TULP4: variants seen among roughly 807,000 people sequenced by gnomAD.
The protein encoded by TULP4 is TUB like protein 4.
A neutral mutation model predicts 129.0 loss-of-function variants in TULP4; 16 were observed. The ratio of observed to expected loss-of-function variants is 0.12; its 90% CI spans 0.08 to 0.19. The LOEUF (loss-of-function observed/expected upper bound fraction) is 0.19. TULP4 is among the 10% of genes least tolerant of loss of function. The pLI, the probability that TULP4 is intolerant of heterozygous loss-of-function variation, is 1.00. For synonymous variants in TULP4, 998 were observed against 854.0 expected (o/e 1.17, Z -2.94); for missense variants, 1,842 against 2,059.1 (o/e 0.89, Z 2.04).
At chr6:158,436,091 A>AT (rs879878775) in intron 3 of TULP4, among the ~76,000 whole-genome samples, 2 of 151,844 alleles carry the variant, frequency 1.3e-5, no homozygotes, top group Non-Finnish European at 2.9e-5. Context: ...TAATTTTCGT[A>AT]TTTTTAGTAA....
At chr6:158,276,912 TC>T (rs1778659050) in intron 1 of TULP4, among the ~76,000 whole-genome samples, 1 of 152,008 alleles carries the variant, frequency 6.6e-6, no homozygotes, top group Admixed American at 6.5e-5. Flanking sequence ...CTGCTGGTCT[TC>T]TTTTTTTTTG....
intron 1 of TULP4, among the ~76,000 whole-genome samples, chr6:158,374,075 G>T (rs545605741): frequency 2.6e-5 from 4 of 152,190 alleles, no homozygotes; most frequent in African/African-American, 9.6e-5. Context: ...GTGCCGTTAG[G>T]ATACTATTAA....
At chr6:158,285,999 A>G (rs888885826) in intron 1 of TULP4, among the ~76,000 whole-genome samples, 2 of 152,238 alleles carry the variant, frequency 1.3e-5, no homozygotes, top group Non-Finnish European at 2.9e-5. Context: ...AGTAAAAAAG[A>G]TGGCAGCAGA....
intron 11 of TULP4, among the ~76,000 whole-genome samples, chr6:158,497,949 G>C (rs191244561): frequency 1.1e-3 from 175 of 152,262 alleles, no homozygotes; most frequent in African/African-American, 4.1e-3. Flanking sequence ...GTTTCACCCC[G>C]ACTTTAACTA....
intron 6 of TULP4, among the ~76,000 whole-genome samples, chr6:158,469,566 C>T (rs1028336234): frequency 6.6e-6 from 1 of 152,012 alleles, no homozygotes; most frequent in Non-Finnish European, 1.5e-5. Context: ...TGAGCCACCA[C>T]ACCTGGCCAA....
At chr6:158,236,267 T>G (rs12527510) in intron 1 of TULP4, among the ~76,000 whole-genome samples, 26,353 of 152,220 alleles carry the variant, frequency 0.17, 2,716 homozygotes, top group Middle Eastern at 0.25. Flanking sequence ...CATATGTTAT[T>G]TTCAGTGTCT....
At chr6:158,448,516 C>T (rs1779101420) in intron 3 of TULP4, among the ~76,000 whole-genome samples, 1 of 152,172 alleles carries the variant, frequency 6.6e-6, no homozygotes, top group Non-Finnish European at 1.5e-5. Flanking sequence ...ATCTTCTTTT[C>T]CAAATATGGT....
chr6:158,378,463 G>GTTTTTTTTTTTTTTTTT lies in TULP4; in HGVS notation c.253-34596_253-34580dup, dbSNP rs61250704. 3.7e-5 allele frequency among the ~76,000 whole-genome samples: 2 copies of GTTTTTTTTTTTTTTTTT among 53,642 alleles called. 1 individual carries two copies. Among genetic ancestry groups the GTTTTTTTTTTTTTTTTT allele is most frequent in the African/African-American group, 2.3e-4 (2 of 8,524 alleles). The allele number at this position is 53,642 out of a possible 152,430, so 35.2% of individuals were successfully genotyped here. A position where few individuals can be genotyped will look rare whatever the true frequency, so the allele number is the denominator to read the frequency against. ...TTGAGCAGTTAGGATGGGGGAGCCAGTTTTTTTTTTTTTTTTTTTTTTGGT... is the reference window on the plus strand; with the variant it reads ...TTGAGCAGTTAGGATGGGGGAGCCAGTTTTTTTTTTTTTTTTTTTTTTTTTTTTTTTTTTTTTTTGGT... On this transcript the variant is annotated intron_variant, in intron 1 of 13. Transcript: ENST00000367097.
intron 1 of TULP4, among the ~76,000 whole-genome samples, chr6:158,350,386 G>T (rs2771428): frequency 0.93 from 140,990 of 151,232 alleles, 65,805 homozygotes; most frequent in Admixed American, 0.95. Flanking sequence ...GGCTGGGAGG[G>T]GGAGGTTGTA....
chr6:158,240,303 C>T (rs1327510526), intron 1 of TULP4, among the ~76,000 whole-genome samples: 5 of 84,912 alleles, frequency 5.9e-5, no homozygotes, highest in Admixed American at 2.4e-4. Context: ...CGGGCAGAGG[C>T]GCCCCTCACC....
intron 1 of TULP4, among the ~76,000 whole-genome samples, chr6:158,394,704 G>A (rs979484568): frequency 3.5e-5 from 5 of 143,992 alleles, no homozygotes; most frequent in African/African-American, 5.3e-5. Context: ...GGAGAATGGC[G>A]TGAACCCGGG....
Position 158,503,776 on chromosome 6 carries a change from A to C in TULP4, c.4113A>C (p.Leu1371=). Residue 1371 remains leucine (L), a synonymous_variant, in exon 13 of 14, where the codon CTA becomes CTC. Coordinates refer to ENST00000367097, the MANE Select transcript of TULP4 (RefSeq NM_020245.5). The surrounding 1 kb of genome is among the most constrained non-coding windows in gnomAD (Gnocchi z 4.3). ...EARTLSDFNS[L]ISSPHLGREK... ...GGACTTTGAGTGACTTTAATTCCCT[A>C]ATCTCCAGCCCACACCTGGGGAGAG... is the stretch of plus-strand genomic sequence containing the variant. The C allele has an allele frequency of 1.2e-6, 2 of 1,614,104 alleles. No homozygotes were observed. The highest frequency in any genetic ancestry group is 8.5e-7 in the Non-Finnish European group (1 of 1,180,032).
intron 5 of TULP4, among the ~76,000 whole-genome samples, chr6:158,454,172 G>A (rs558716171): frequency 2.0e-5 from 3 of 152,254 alleles, no homozygotes; most frequent in Admixed American, 6.5e-5. Context: ...CATGAATGAC[G>A]TTGAAGTCCT....
intron 1 of TULP4, among the ~76,000 whole-genome samples, chr6:158,251,673 A>G (rs1465831172): frequency 6.6e-6 from 1 of 152,228 alleles, no homozygotes; most frequent in Non-Finnish European, 1.5e-5. Context: ...AAATCCAGGT[A>G]AATGGGGCTT....
chr6:158,301,168 A>G (rs747548604), intron 1 of TULP4, among the ~76,000 whole-genome samples: 14 of 152,356 alleles, frequency 9.2e-5, no homozygotes, highest in Middle Eastern at 3.4e-3. Flanking sequence ...GCAGAATCAG[A>G]GACAATATTT....
chr6:158,487,603 A>G (rs1487885439), intron 8 of TULP4, among the ~76,000 whole-genome samples: 2 of 152,234 alleles, frequency 1.3e-5, no homozygotes, highest in Admixed American at 1.3e-4. Flanking sequence ...TTTTTCCAGA[A>G]CAGCCATGAT....
chr6:158,483,917 C>T (rs577622238), intron 8 of TULP4, among the ~76,000 whole-genome samples: 194 of 147,410 alleles, frequency 1.3e-3, no homozygotes, highest in African/African-American at 4.5e-3. Context: ...ACCATGAGTC[C>T]CAGTAGTTTT....
chr6:158,278,781 A>ACCTC (rs1778689682), upstream of TULP4, among the ~76,000 whole-genome samples: 1 of 152,020 alleles, frequency 6.6e-6, no homozygotes, highest in African/African-American at 2.4e-5. Context: ...CTTTTAGAGG[A>ACCTC]CCTCCTATGT....
intron 1 of TULP4, among the ~76,000 whole-genome samples, chr6:158,268,320 T>G (rs544866655): frequency 1.2e-4 from 19 of 152,312 alleles, no homozygotes; most frequent in Non-Finnish European, 2.1e-4. Flanking sequence ...ATTACAGGTG[T>G]GAGCCACTGC....
Sources: gnomAD v4.1 joint callset for allele counts (sites outside exome capture counted in the v4.1 genomes callset) on GRCh38, gnomAD v4.1.1 for gene constraint, Gnocchi (gnomAD v3.1) non-coding constraint, MANE v1.5 for transcripts, NCBI Gene and HGNC (gene_info 2026-07-23, HGNC 2026-07-21) for gene names.